DPP6: variants seen among roughly 807,000 people sequenced by gnomAD.
DPP6 encodes the protein A-type potassium channel modulatory protein DPP6.
Under a neutral mutation model 122.6 loss-of-function variants are expected in DPP6, and 69 were observed. The ratio of observed to expected loss-of-function variants is 0.56; its 90% confidence interval spans 0.46 to 0.69. The LOEUF (loss-of-function observed/expected upper bound fraction) is 0.69. Among genes scored for constraint, DPP6 ranks in the 30% least tolerant of loss-of-function variants. DPP6 has a pLI of 0.00. For missense variants in DPP6, 928 were observed against 1,116.9 expected (o/e 0.83, Z 2.41); for synonymous variants, 418 against 433.1 (o/e 0.97, Z 0.43).
chr7:153,880,051 T>C, the DPP6 span, among the ~76,000 whole-genome samples: 3 of 152,220 alleles, frequency 2.0e-5, no homozygotes, highest in Non-Finnish European at 4.4e-5. Flanking sequence ...ATAGGAAAAT[T>C]AACAAGGTTC....
In DPP6 at chr7:154,645,461, C is replaced by T. The variant is rs575816808; in HGVS notation, c.680+7588C>T. On this transcript the variant is annotated intron_variant, in intron 6 of 25. Coordinates refer to ENST00000377770, the MANE Select transcript of DPP6 (RefSeq NM_130797.4). The stretch of plus-strand genomic sequence containing the variant: ...CATTTCTCCCTCCCCTTCTCCCTTC[C>T]CCTCCTGTCCTCCTTCTATCCCTCC... Among the ~76,000 whole-genome samples, 7 of 152,244 alleles carry T rather than the reference C, an allele frequency of 4.6e-5. No individual in the cohort carries two copies. The South Asian group carries it at 1.2e-3, about 27-fold the overall frequency.
intron 5 of DPP6, among the ~76,000 whole-genome samples, chr7:154,598,348 T>C (rs1480648253): frequency 1.3e-5 from 2 of 152,228 alleles, no homozygotes; most frequent in Non-Finnish European, 1.5e-5. Context: ...CAGTCTAACA[T>C]TGAACTTTAG....
chr7:154,785,162 G>T (rs930654394), intron 10 of DPP6, among the ~76,000 whole-genome samples: 4 of 152,078 alleles, frequency 2.6e-5, no homozygotes, highest in Admixed American at 1.3e-4. Flanking sequence ...TTTTAACTTT[G>T]CTTTTCTTTT....
In DPP6 at chr7:154,794,190, G is replaced by A. The variant is rs1335569573; in HGVS notation, c.1248G>A (p.Gly416=). 6.2e-7 allele frequency: 1 copy of A among 1,610,292 alleles called. No homozygotes were observed. Among genetic ancestry groups the A allele is most frequent in the Non-Finnish European group, 8.5e-7 (1 of 1,178,082 alleles). The change falls in exon 11 of 26, where the codon GGG becomes GGA. Residue 416 remains glycine, a synonymous_variant. Transcript: ENST00000377770. ...SILTLCDATT[G]VCTKKHEDES... ...TCACCCTCTGCGACGCCACCACGGG[G>A]GTCTGCACGAAGGTACGCGGGGCTG...
chr7:154,278,098 C>T (rs535071771), intron 1 of DPP6, among the ~76,000 whole-genome samples: 4 of 152,244 alleles, frequency 2.6e-5, no homozygotes, highest in East Asian at 3.9e-4. Flanking sequence ...ATTCAGTGAC[C>T]ACTTTGTTTC....
chr7:154,051,711 C>T (rs62485599), upstream of DPP6, among the ~76,000 whole-genome samples: 1 of 150,402 alleles, frequency 6.6e-6, no homozygotes, highest in Non-Finnish European at 1.5e-5. Flanking sequence ...GCGGTCACAG[C>T]CGGGCTCTCT....
intron 1 of DPP6, among the ~76,000 whole-genome samples, chr7:154,197,071 AACATCT>A (rs1798906603): frequency 6.6e-6 from 1 of 151,980 alleles, no homozygotes; most frequent in African/African-American, 2.4e-5. Context: ...CTGCCCACTG[AACATCT>A]AACCAGATAC....
chr7:154,881,345 G>A lies in DPP6; in HGVS notation c.2133+403G>A, dbSNP rs143619849. 2.9e-3 allele frequency among the ~76,000 whole-genome samples: 443 copies of A among 152,342 alleles called. 3 individuals are homozygous for A. The highest frequency in any genetic ancestry group is 0.01 in the African/African-American group (419 of 41,566). On this transcript the variant is annotated intron_variant, in intron 21 of 25. Transcript: ENST00000377770. ...TGTCTACTTAGACGGAAGCACAGGT[G>A]TGGGGAGGGTCGCGCAGTGAACTCT...
chr7:154,428,286 T>C (rs1418621406), intron 1 of DPP6, among the ~76,000 whole-genome samples: 3 of 152,212 alleles, frequency 2.0e-5, no homozygotes, highest in African/African-American at 7.2e-5. Context: ...GAAAAATTCA[T>C]TTAAATTTTA....
chr7:153,962,056 A>T (rs1795381255), intron 1 of DPP6, among the ~76,000 whole-genome samples: 1 of 148,644 alleles, frequency 6.7e-6, no homozygotes, highest in Admixed American at 6.7e-5. Flanking sequence ...GCTGGGGGGA[A>T]AGAAATGGCG....
intron 1 of DPP6, among the ~76,000 whole-genome samples, chr7:154,432,702 A>G (rs1159384038): frequency 6.6e-6 from 1 of 152,210 alleles, no homozygotes; most frequent in African/African-American, 2.4e-5. Flanking sequence ...GCTAGCCACA[A>G]AGCTTATGCA....
At chr7:154,855,550 C>G (rs1223700665) in intron 17 of DPP6, among the ~76,000 whole-genome samples, 1 of 152,180 alleles carries the variant, frequency 6.6e-6, no homozygotes, top group Non-Finnish European at 1.5e-5. Flanking sequence ...GGGCGGTATC[C>G]CCGGAAGGAT....
chr7:153,875,793 G>A, the DPP6 span, among the ~76,000 whole-genome samples: 9,869 of 151,862 alleles, frequency 0.065, 478 homozygotes, highest in East Asian at 0.22. Context: ...AGATTGATTG[G>A]AATGCCAATG....
intron 1 of DPP6, among the ~76,000 whole-genome samples, chr7:153,898,981 A>C (rs960873304): frequency 6.6e-6 from 1 of 152,242 alleles, no homozygotes; most frequent in South Asian, 2.1e-4. Flanking sequence ...CCATTATTCA[A>C]GAAGGGAAAG....
At chr7:154,648,649 G>A (rs976468144) in intron 6 of DPP6, among the ~76,000 whole-genome samples, 1 of 152,156 alleles carries the variant, frequency 6.6e-6, no homozygotes, top group African/African-American at 2.4e-5. Context: ...GCCGGGCGTG[G>A]TGGCTCACAT....
At chr7:153,890,109 A>G (rs1171847291) in intron 1 of DPP6, among the ~76,000 whole-genome samples, 2 of 152,226 alleles carry the variant, frequency 1.3e-5, no homozygotes, top group East Asian at 1.9e-4. Flanking sequence ...TGAGGACTGA[A>G]TGATTTACTC....
chr7:154,614,484 A>G (rs1456948116), intron 5 of DPP6, among the ~76,000 whole-genome samples: 1 of 152,164 alleles, frequency 6.6e-6, no homozygotes, highest in Non-Finnish European at 1.5e-5. Context: ...CTCAAGTCAG[A>G]GTACTGTGTG....
chr7:154,582,908 G>A (rs1271236131), intron 5 of DPP6, among the ~76,000 whole-genome samples: 6 of 152,172 alleles, frequency 3.9e-5, no homozygotes, highest in African/African-American at 1.4e-4. Context: ...TACCCCCGGG[G>A]GAAGGTATGA....
chr7:154,137,536 A>T (rs2150651457), intron 1 of DPP6, among the ~76,000 whole-genome samples: 1 of 151,242 alleles, frequency 6.6e-6, no homozygotes, highest in South Asian at 2.1e-4. Flanking sequence ...AAATATTAAT[A>T]CACACATTGC....
Sources: allele counts gnomAD v4.1 joint callset (sites outside exome capture counted in the v4.1 genomes callset), GRCh38; gene constraint gnomAD v4.1.1; transcripts MANE v1.5; gene names NCBI Gene and HGNC (gene_info 2026-07-23, HGNC 2026-07-21).